Variants in LPAR3 observed in about 807,000 individuals in gnomAD.
The protein encoded by LPAR3 is lysophosphatidic acid receptor 3, also known as LPA receptor 3.
Under a neutral mutation model 17.8 loss-of-function variants are expected in LPAR3, and 7 were observed. That is an observed-to-expected ratio of 0.39 (90% CI 0.22 to 0.74). The LOEUF is 0.74. Among genes scored for constraint, LPAR3 ranks in the 30% least tolerant of loss-of-function variants. The pLI is 0.40. For synonymous variants in LPAR3, 179 were observed against 179.9 expected, an observed-to-expected ratio of 0.99 and a Z score of 0.04; for missense variants, 391 against 453.4, an observed-to-expected ratio of 0.86 and a Z score of 1.25.
chr1:84,864,185 C>T (rs1460064821), intron 2 of LPAR3, among the ~76,000 whole-genome samples: 1 of 150,984 alleles, frequency 6.6e-6, no homozygotes, highest in African/African-American at 2.4e-5. Context: ...GCACTATAGC[C>T]TAGATGACAG....
intron 2 of LPAR3, among the ~76,000 whole-genome samples, chr1:84,850,402 AAAAAAAAAAAAAAAAGAAAAAG>A (rs1659679249): frequency 6.6e-6 from 1 of 150,848 alleles, no homozygotes; most frequent in Non-Finnish European, 1.5e-5. Flanking sequence ...ACAAAAAAAA[AAAAAAAAAAAAAAAAGAAAAAG>A]AAAAAGAAAA....
intron 2 of LPAR3, among the ~76,000 whole-genome samples, chr1:84,853,394 G>A (rs1659758229): frequency 6.6e-6 from 1 of 152,198 alleles, no homozygotes; most frequent in Non-Finnish European, 1.5e-5. Flanking sequence ...AGCAAAGATT[G>A]GGAGGTCAGC....
At chr1:84,828,628 T>C (rs1659215381) in intron 2 of LPAR3, among the ~76,000 whole-genome samples, 1 of 152,196 alleles carries the variant, frequency 6.6e-6, no homozygotes, top group South Asian at 2.1e-4. Flanking sequence ...ACTTGTTTTC[T>C]TCCTCTCCTT....
intron 1 of LPAR3, among the ~76,000 whole-genome samples, chr1:84,881,096 A>G (rs1660356914): frequency 6.6e-6 from 1 of 152,206 alleles, no homozygotes; most frequent in Non-Finnish European, 1.5e-5. Flanking sequence ...AAAGAACAGA[A>G]AGGACATTTT....
At chr1:84,880,888 C>T (rs2102772125) in intron 1 of LPAR3, among the ~76,000 whole-genome samples, 2 of 152,304 alleles carry the variant, frequency 1.3e-5, no homozygotes, top group East Asian at 1.9e-4. Context: ...CTGGGAGGCC[C>T]CACCCAGAGA....
intron 1 of LPAR3, among the ~76,000 whole-genome samples, chr1:84,886,085 T>C (rs1248207055): frequency 6.6e-6 from 1 of 152,196 alleles, no homozygotes; most frequent in Non-Finnish European, 1.5e-5. Context: ...CAACCTCCTA[T>C]GTATTGGTGT....
chr1:84,865,950 T>G lies in LPAR3; in HGVS notation c.171A>C (p.Lys57Asn), dbSNP rs1415278833. The G allele has an allele frequency of 1.9e-6, 3 of 1,614,002 alleles. No homozygotes were observed. The change falls in exon 2 of 3, where the codon AAA becomes AAC. Residue 57 changes from lysine (K) to asparagine (N), a missense_variant. Physicochemically the swap from Lys to Asn is moderately conservative, Grantham distance 94 (BLOSUM62 0). Coordinates refer to ENST00000370611, the MANE Select transcript of LPAR3 (RefSeq NM_012152.3). ...AGAAGGGGAAATGAAATTTTCTGTT[T>G]TTGATCACTGCCGCGATGACCAGAG... ...SNSLVIAAVI[K>N]NRKFHFPFYY...
chr1:84,857,321 T>C (rs1659848618), intron 2 of LPAR3, among the ~76,000 whole-genome samples: 1 of 152,194 alleles, frequency 6.6e-6, no homozygotes, highest in Non-Finnish European at 1.5e-5. Flanking sequence ...TTATGTGTAT[T>C]AACTCATTGA....
chr1:84,822,065 C>T (rs1659071085), intron 2 of LPAR3, among the ~76,000 whole-genome samples: 1 of 152,084 alleles, frequency 6.6e-6, no homozygotes, highest in South Asian at 2.1e-4. Flanking sequence ...GGCAAATGTC[C>T]TTCTATTAAT....
At chr1:84,864,964 C>T (rs950914862) in intron 2 of LPAR3, among the ~76,000 whole-genome samples, 3 of 151,938 alleles carry the variant, frequency 2.0e-5, no homozygotes, top group Non-Finnish European at 2.9e-5. Flanking sequence ...CTGTGCTTAC[C>T]GCTTCTCCCA....
At chr1:84,827,650 C>T (rs1659189375) in intron 2 of LPAR3, among the ~76,000 whole-genome samples, 1 of 152,160 alleles carries the variant, frequency 6.6e-6, no homozygotes, top group Non-Finnish European at 1.5e-5. Context: ...CTAACAGGCA[C>T]TGCTGACCAT....
At chr1:84,846,106 C>T (rs1286665666) in intron 2 of LPAR3, among the ~76,000 whole-genome samples, 1 of 152,090 alleles carries the variant, frequency 6.6e-6, no homozygotes, top group Non-Finnish European at 1.5e-5. Context: ...CCCGGTACCA[C>T]AGGTCCAGTA....
At chr1:84,859,757 A>T (rs1557601675) in intron 2 of LPAR3, among the ~76,000 whole-genome samples, 1 of 152,212 alleles carries the variant, frequency 6.6e-6, no homozygotes, top group Admixed American at 6.5e-5. Flanking sequence ...ACTTCAAAAG[A>T]ATGGTTTGCA....
chr1:84,876,902 T>C (rs1660270802), intron 1 of LPAR3, among the ~76,000 whole-genome samples: 1 of 152,216 alleles, frequency 6.6e-6, no homozygotes, highest in Non-Finnish European at 1.5e-5. Context: ...ATGTCCTCAA[T>C]GTCCCCGCAC....
At chr1:84,850,871 G>A (rs77851438) in intron 2 of LPAR3, among the ~76,000 whole-genome samples, 4,796 of 152,322 alleles carry the variant, frequency 0.031, 116 homozygotes, top group Non-Finnish European at 0.05. Flanking sequence ...AGTTCTTGTA[G>A]TTACGATCAG....
At chr1:84,836,006 C>CT (rs34491570) in intron 2 of LPAR3, among the ~76,000 whole-genome samples, 26,140 of 61,446 alleles carry the variant, frequency 0.43, 8,130 homozygotes, top group East Asian at 0.53. Context: ...CAACCCCGGC[C>CT]TTTTTTTTTT....
intron 2 of LPAR3, among the ~76,000 whole-genome samples, chr1:84,832,955 T>C (rs371881169): frequency 2.0e-5 from 3 of 152,320 alleles, no homozygotes; most frequent in African/African-American, 2.4e-5. Context: ...TAAGTCAAAA[T>C]GTGTAAACAA....
At chr1:84,882,402 G>A (rs1660382267) in intron 1 of LPAR3, among the ~76,000 whole-genome samples, 1 of 152,260 alleles carries the variant, frequency 6.6e-6, no homozygotes, top group East Asian at 1.9e-4. Flanking sequence ...CTGTGAAAAT[G>A]TCCATACTAC....
chr1:84,850,908 G>T (rs1015315692), intron 2 of LPAR3, among the ~76,000 whole-genome samples: 2 of 152,238 alleles, frequency 1.3e-5, no homozygotes, highest in Non-Finnish European at 2.9e-5. Context: ...GAGCCAGTCT[G>T]GGTGGACCAG....
Sources: gnomAD v4.1 joint callset for allele counts (sites outside exome capture counted in the v4.1 genomes callset) on GRCh38, gnomAD v4.1.1 for gene constraint, MANE v1.5 for transcripts, NCBI Gene and HGNC (gene_info 2026-07-23, HGNC 2026-07-21) for gene names.